The following GNAQ variants were observed in gnomAD, a reference collection of about 807,000 sequenced individuals.
GNAQ encodes guanine nucleotide-binding protein G(q) subunit alpha.
In GNAQ, 8 loss-of-function variants were observed where a neutral mutation model predicts 43.9. The observed-to-expected ratio is 0.18, with a 90% CI of 0.11 to 0.33. The LOEUF is 0.33. Among genes scored for constraint, GNAQ ranks in the 10% least tolerant of loss-of-function variants. The pLI, the probability that GNAQ is intolerant of heterozygous loss-of-function variation, is 1.00. For synonymous variants in GNAQ, 155 were observed against 170.7 expected (o/e 0.91, Z 0.71); for missense variants, 158 against 450.8 (o/e 0.35, Z 5.88).
intron 2 of GNAQ, among the ~76,000 whole-genome samples, chr9:77,862,191 T>G (rs74837436): frequency 0.016 from 2,393 of 152,044 alleles, 59 homozygotes; most frequent in African/African-American, 0.055. Flanking sequence ...CTCTGGGATC[T>G]GGAGGATCTC....
intron 5 of GNAQ, among the ~76,000 whole-genome samples, chr9:77,743,832 A>G (rs1825691842): frequency 6.6e-6 from 1 of 152,202 alleles, no homozygotes; most frequent in African/African-American, 2.4e-5. Context: ...TGATTAAGGA[A>G]CTGCTGCTCC....
intron 2 of GNAQ, among the ~76,000 whole-genome samples, chr9:77,833,971 G>T (rs762129925): frequency 7.0e-4 from 107 of 151,862 alleles, no homozygotes; most frequent in Non-Finnish European, 1.2e-3. Context: ...GAAAATGGTG[G>T]GTTTTTTTTA....
intron 1 of GNAQ, among the ~76,000 whole-genome samples, chr9:77,998,088 G>A (rs756283071): frequency 2.6e-5 from 4 of 151,984 alleles, no homozygotes; most frequent in Non-Finnish European, 4.4e-5. Context: ...GTACACACAC[G>A]CTGGCGAGGG....
Position 77,764,664 on chromosome 9 carries a change from C to A in GNAQ, c.735+29799G>T, listed in dbSNP as rs368676233. On this transcript the variant is annotated intron_variant, in intron 5 of 6. Coordinates refer to ENST00000286548, the MANE Select transcript of GNAQ (RefSeq NM_002072.5). Reference sequence around the variant, plus strand: ...TAGAGACGGGGTTTCACCGTGTTAGCCAGGATGGTCTTGATCTCCTGACCT... The same window carrying A: ...TAGAGACGGGGTTTCACCGTGTTAGACAGGATGGTCTTGATCTCCTGACCT... Among the ~76,000 whole-genome samples the A allele has an allele frequency of 7.9e-5, 12 of 152,208 alleles. No homozygotes were observed. The South Asian group carries it at 2.5e-3, about 32-fold the overall frequency.
At chr9:77,786,159 C>G (rs563134715) in intron 5 of GNAQ, among the ~76,000 whole-genome samples, 69 of 151,998 alleles carry the variant, frequency 4.5e-4, no homozygotes, top group Admixed American at 1.4e-3. Flanking sequence ...GGGCAGATCG[C>G]GAGGTCATGA....
At chr9:77,839,551 C>T (rs916879817) in intron 2 of GNAQ, among the ~76,000 whole-genome samples, 2 of 152,204 alleles carry the variant, frequency 1.3e-5, no homozygotes, top group African/African-American at 4.8e-5. Context: ...TTCTGCATTC[C>T]AGTATGTGCT....
At chr9:77,817,472 G>A (rs1827037548) in intron 2 of GNAQ, among the ~76,000 whole-genome samples, 1 of 152,112 alleles carries the variant, frequency 6.6e-6, no homozygotes, top group Non-Finnish European at 1.5e-5. Context: ...CTAGAAATTA[G>A]GCATTCTAAC....
intron 6 of GNAQ, among the ~76,000 whole-genome samples, chr9:77,726,530 C>T (rs1013994977): frequency 6.6e-6 from 1 of 152,214 alleles, no homozygotes; most frequent in Admixed American, 6.5e-5. Context: ...GTGTTTGTAT[C>T]ATCATAGAAA....
chr9:77,733,279 T>C (rs916967989), intron 5 of GNAQ, among the ~76,000 whole-genome samples: 1 of 152,140 alleles, frequency 6.6e-6, no homozygotes, highest in African/African-American at 2.4e-5. Context: ...TTATTTAACA[T>C]CTCAAATCAA....
At chr9:77,870,693 C>T (rs543476695) in intron 2 of GNAQ, among the ~76,000 whole-genome samples, 1 of 152,088 alleles carries the variant, frequency 6.6e-6, no homozygotes, top group South Asian at 2.1e-4. Context: ...GAGATAAATA[C>T]TTGTTTTGCC....
intron 2 of GNAQ, among the ~76,000 whole-genome samples, chr9:77,832,085 C>A (rs1233856240): frequency 9.5e-6 from 1 of 105,506 alleles, no homozygotes; most frequent in African/African-American, 2.6e-5. Flanking sequence ...GAGATTAGAG[C>A]ACTTTTTTTT....
intron 3 of GNAQ, among the ~76,000 whole-genome samples, chr9:77,814,590 G>A (rs1229315572): frequency 1.3e-5 from 2 of 152,142 alleles, no homozygotes; most frequent in Non-Finnish European, 2.9e-5. Context: ...CCTAGAATTA[G>A]AGTAAAAGCA....
chr9:78,012,225 A>G (rs1355805288), intron 1 of GNAQ, among the ~76,000 whole-genome samples: 1 of 151,094 alleles, frequency 6.6e-6, no homozygotes, highest in Admixed American at 6.6e-5. Flanking sequence ...TGCATGCCAC[A>G]GAAAGGCATT....
intron 1 of GNAQ, among the ~76,000 whole-genome samples, chr9:77,925,372 C>T (rs1268737710): frequency 1.3e-5 from 2 of 152,082 alleles, no homozygotes; most frequent in Non-Finnish European, 2.9e-5. Context: ...CTTCTGGAAG[C>T]CAATCATGAT....
chr9:77,919,864 G>A (rs959297201), intron 2 of GNAQ, among the ~76,000 whole-genome samples: 7 of 152,076 alleles, frequency 4.6e-5, no homozygotes, highest in Admixed American at 3.9e-4. Flanking sequence ...ACATGAGGCC[G>A]GGAGAGGTGG....
chr9:77,827,468 C>G (rs1377781538), intron 2 of GNAQ, among the ~76,000 whole-genome samples: 3 of 150,670 alleles, frequency 2.0e-5, no homozygotes, highest in African/African-American at 7.3e-5. Context: ...GTGTTCTTAG[C>G]TATATATTTA....
At chr9:77,863,626 A>G (rs774573013) in intron 2 of GNAQ, among the ~76,000 whole-genome samples, 1 of 152,078 alleles carries the variant, frequency 6.6e-6, no homozygotes, top group Admixed American at 6.6e-5. Flanking sequence ...GTACCAATTT[A>G]CCGTACTAGT....
chr9:77,787,883 A>G (rs955214158), intron 5 of GNAQ, among the ~76,000 whole-genome samples: 4 of 152,034 alleles, frequency 2.6e-5, no homozygotes, highest in African/African-American at 9.7e-5. Flanking sequence ...TACAAAAATT[A>G]GCCGGGCATG....
rs529126152 is a variant in GNAQ at position 78,024,251 on chromosome 9, C to A, written c.136+6849G>T. 2.6e-5 allele frequency among the ~76,000 whole-genome samples: 4 copies of A among 152,212 alleles called. No individual in the cohort carries two copies. The South Asian group carries it at 8.3e-4, about 32-fold the overall frequency. ...GAAGGCAAGAAGGCAAAAACTGTTC[C>A]ATCTTTAAAACGGAATTCCTTTCAC... On this transcript the variant is annotated intron_variant, in intron 1 of 6. Transcript: ENST00000286548.
Sources: allele counts gnomAD v4.1 joint callset (sites outside exome capture counted in the v4.1 genomes callset), GRCh38; gene constraint gnomAD v4.1.1; transcripts MANE v1.5; gene names NCBI Gene and HGNC (gene_info 2026-07-23, HGNC 2026-07-21).